SGCZ: variants seen among roughly 807,000 people sequenced by gnomAD.
SGCZ encodes the protein sarcoglycan zeta.
SGCZ carries 40 observed loss-of-function variants against 41.3 expected under a neutral mutation model. The ratio of observed to expected loss-of-function variants is 0.97; its 90% CI spans 0.75 to 1.26. The LOEUF is 1.26. Among genes scored for constraint, SGCZ ranks in the 50% most tolerant of loss-of-function variants. The probability of loss-of-function intolerance (pLI) is 0.00; values close to 1 mark genes in which losing one functional copy is unlikely to be tolerated. For synonymous variants in SGCZ, 206 were observed against 137.5 expected (o/e 1.50, Z -3.49); for missense variants, 552 against 369.8 (o/e 1.49, Z -4.04).
intron 2 of SGCZ, among the ~76,000 whole-genome samples, chr8:14,368,788 G>A (rs1421682125): frequency 1.3e-5 from 2 of 151,530 alleles, no homozygotes; most frequent in Non-Finnish European, 2.9e-5. Context: ...TGTTTGTAAT[G>A]TGATAAACTC....
rs979580687 is a variant in SGCZ at position 14,470,061 on chromosome 8, C to A, written c.234+84671G>T. ...TCTAGATGTCTGGACTGATGTCTGG[C>A]ATCTGAAGCAGTGCAGTCTTGAAGA... On this transcript the variant is annotated intron_variant, in intron 2 of 7. Transcript: ENST00000382080. Among the ~76,000 whole-genome samples, 3 of 152,210 alleles carry A rather than the reference C, an allele frequency of 2.0e-5. No homozygotes were observed. The South Asian group carries it at 6.2e-4, about 32-fold the overall frequency.
At chr8:14,533,595 G>C (rs1185744637) in intron 2 of SGCZ, among the ~76,000 whole-genome samples, 3 of 151,938 alleles carry the variant, frequency 2.0e-5, no homozygotes, top group Non-Finnish European at 4.4e-5. Flanking sequence ...GAAGATCTAA[G>C]TGCAAAATTT....
At chr8:15,167,598 G>A (rs10105585) in intron 1 of SGCZ, among the ~76,000 whole-genome samples, 3,195 of 152,100 alleles carry the variant, frequency 0.021, 97 homozygotes, top group African/African-American at 0.074. Context: ...TTCTTTCTGC[G>A]CTTTATGCAA....
chr8:14,088,065 T>C lies in SGCZ; in HGVS notation c.*2378A>G, dbSNP rs1004806463. Among the ~76,000 whole-genome samples the C allele has an allele frequency of 5.3e-5, 8 of 151,832 alleles. No homozygotes were observed. Among genetic ancestry groups the C allele is most frequent in the African/African-American group, 1.7e-4 (7 of 41,420 alleles). On this transcript the variant is annotated 3_prime_UTR_variant, in exon 8 of 8. Coordinates refer to ENST00000382080, the MANE Select transcript of SGCZ (RefSeq NM_139167.4). ...ACTGGAATCGGTTTTTACATCTTTT[T>C]TTCTCACTTTTTTTTTCATCTTTTC...
At chr8:14,721,712 G>A (rs1285627329) in intron 1 of SGCZ, among the ~76,000 whole-genome samples, 2 of 152,192 alleles carry the variant, frequency 1.3e-5, no homozygotes, top group African/African-American at 2.4e-5. Context: ...AGCAATCACA[G>A]TAATGTCATA....
intron 1 of SGCZ, among the ~76,000 whole-genome samples, chr8:15,028,911 G>C (rs1803555534): frequency 6.6e-6 from 1 of 151,998 alleles, no homozygotes; most frequent in South Asian, 2.1e-4. Flanking sequence ...TTAAAGACCA[G>C]GTTGCAAACA....
At chr8:14,222,718 G>C (rs368091186) in intron 4 of SGCZ, among the ~76,000 whole-genome samples, 43 of 147,016 alleles carry the variant, frequency 2.9e-4, no homozygotes, top group African/African-American at 1.1e-3. Flanking sequence ...CTTAATGTTT[G>C]GTTCTAAACT....
chr8:14,111,635 C>T (rs1802374620), intron 5 of SGCZ, among the ~76,000 whole-genome samples: 1 of 152,128 alleles, frequency 6.6e-6, no homozygotes. Flanking sequence ...AATTTAAACT[C>T]ACTACAATGT....
rs139847819 is a variant in SGCZ, at chr8:14,485,800, G to A, written c.234+68932C>T. On this transcript the variant is annotated intron_variant, in intron 2 of 7. Transcript: ENST00000382080. Reference sequence around the variant, plus strand: ...TATGACAGCAGGCACAAGGACATACGCTGTTTAACTACTTTATATTTTCTC... The same window carrying A: ...TATGACAGCAGGCACAAGGACATACACTGTTTAACTACTTTATATTTTCTC... Among the ~76,000 whole-genome samples the A allele has an allele frequency of 1.2e-3, 173 of 148,948 alleles. 5 individuals carry two copies. The East Asian group carries it at 0.03, about 26-fold the overall frequency.
At chr8:15,184,264 G>A (rs1800266026) in intron 1 of SGCZ, among the ~76,000 whole-genome samples, 1 of 152,082 alleles carries the variant, frequency 6.6e-6, no homozygotes, top group Admixed American at 6.6e-5. Context: ...ATTACCTTAT[G>A]CTTTTAAAAT....
At chr8:15,178,714 T>A (rs985383912) in intron 1 of SGCZ, among the ~76,000 whole-genome samples, 2 of 152,180 alleles carry the variant, frequency 1.3e-5, no homozygotes, top group African/African-American at 2.4e-5. Context: ...GGCCATGGAC[T>A]TCAGACAACC....
At chr8:14,959,599 G>GTA (rs1232131140) in intron 1 of SGCZ, among the ~76,000 whole-genome samples, 4 of 152,058 alleles carry the variant, frequency 2.6e-5, no homozygotes, top group African/African-American at 9.7e-5. Flanking sequence ...GTTCTTCTCA[G>GTA]TATCCACCAA....
intron 2 of SGCZ, among the ~76,000 whole-genome samples, chr8:14,325,826 G>C (rs1434716617): frequency 7.0e-6 from 1 of 143,054 alleles, no homozygotes; most frequent in East Asian, 2.1e-4. Context: ...GGATGAGGAC[G>C]TGGGCCCGGC....
At chr8:14,119,445 CT>C (rs1802626038) in intron 5 of SGCZ, among the ~76,000 whole-genome samples, 1 of 152,108 alleles carries the variant, frequency 6.6e-6, no homozygotes, top group African/African-American at 2.4e-5. Context: ...TGCTTATGAG[CT>C]TAAGGAGATT....
At chr8:14,145,501 C>T (rs947322122) in intron 5 of SGCZ, among the ~76,000 whole-genome samples, 6 of 152,120 alleles carry the variant, frequency 3.9e-5, no homozygotes, top group African/African-American at 1.4e-4. Flanking sequence ...GAGACTCTAA[C>T]AAATACCTAA....
intron 1 of SGCZ, among the ~76,000 whole-genome samples, chr8:14,757,689 T>C (rs1203521923): frequency 6.6e-6 from 1 of 152,206 alleles, no homozygotes; most frequent in East Asian, 1.9e-4. Context: ...GCCATCCTTA[T>C]CACAAAGAAT....
intron 4 of SGCZ, among the ~76,000 whole-genome samples, chr8:14,181,739 T>C (rs1804733691): frequency 6.6e-6 from 1 of 152,204 alleles, no homozygotes; most frequent in Admixed American, 6.5e-5. Flanking sequence ...GTTCTTCCTT[T>C]GTCTTCCGCC....
intron 4 of SGCZ, among the ~76,000 whole-genome samples, chr8:14,188,824 G>GTTTTTTTTTTT (rs145555540): frequency 2.2e-4 from 14 of 62,364 alleles, no homozygotes; most frequent in African/African-American, 9.7e-4. Flanking sequence ...TTGTTTCTTT[G>GTTTTTTTTTTT]TTTTTTTTTG....
intron 1 of SGCZ, among the ~76,000 whole-genome samples, chr8:15,061,373 G>C (rs566053377): frequency 2.0e-5 from 3 of 151,950 alleles, no homozygotes; most frequent in Admixed American, 2.0e-4. Context: ...TCACACACCG[G>C]GGCCTGTTGG....
Sources: gnomAD v4.1 joint callset for allele counts (sites outside exome capture counted in the v4.1 genomes callset) on GRCh38, gnomAD v4.1.1 for gene constraint, MANE v1.5 for transcripts, NCBI Gene and HGNC (gene_info 2026-07-23, HGNC 2026-07-21) for gene names.